LGSN: variants seen among roughly 807,000 people sequenced by gnomAD.
LGSN encodes the protein lengsin, lens protein with glutamine synthetase domain.
LGSN carries 21 observed loss-of-function variants against 19.5 expected under a neutral mutation model. The ratio of observed to expected loss-of-function variants is 1.07; its 90% CI spans 0.76 to 1.55. The LOEUF (loss-of-function observed/expected upper bound fraction) is 1.55. Among genes scored for constraint, LGSN ranks in the 40% most tolerant of loss-of-function variants. The pLI is 0.00. For synonymous variants in LGSN, 257 were observed against 215.6 expected, an observed-to-expected ratio of 1.19 and a Z score of -1.68; for missense variants, 673 against 608.5, an observed-to-expected ratio of 1.11 and a Z score of -1.12.
the LGSN span, among the ~76,000 whole-genome samples, chr6:63,377,948 G>A: frequency 4.4e-4 from 61 of 139,894 alleles, no homozygotes; most frequent in African/African-American, 1.5e-3. Context: ...AAAGAAAAAG[G>A]ATGAATAACA....
intron 1 of LGSN, among the ~76,000 whole-genome samples, chr6:63,298,036 A>C (rs1246279032): frequency 1.3e-5 from 2 of 152,178 alleles, no homozygotes; most frequent in Non-Finnish European, 2.9e-5. Flanking sequence ...CTCTGAACAT[A>C]TTCTTGTTCT....
chr6:63,504,014 A>G, the LGSN span, among the ~76,000 whole-genome samples: 18 of 152,220 alleles, frequency 1.2e-4, no homozygotes, highest in African/African-American at 4.3e-4. Context: ...CTCTAAAAGA[A>G]ATGTGATGTT....
chr6:63,570,285 T>C, the LGSN span, among the ~76,000 whole-genome samples: 1 of 152,182 alleles, frequency 6.6e-6, no homozygotes, highest in African/African-American at 2.4e-5. Context: ...GAGCAAAGAT[T>C]GCACCACTGT....
the LGSN span, among the ~76,000 whole-genome samples, chr6:63,393,303 T>C: frequency 6.6e-6 from 1 of 151,716 alleles, no homozygotes. Context: ...CTCCCCAACC[T>C]GTAGGTGAGA....
the LGSN span, among the ~76,000 whole-genome samples, chr6:63,487,191 A>G: frequency 1.3e-5 from 2 of 152,028 alleles, no homozygotes; most frequent in Non-Finnish European, 2.9e-5. Flanking sequence ...ATTGGTCTCG[A>G]ACTCCTGGGC....
At chr6:63,461,728 C>T in the LGSN span, among the ~76,000 whole-genome samples, 1 of 152,144 alleles carries the variant, frequency 6.6e-6, no homozygotes, top group African/African-American at 2.4e-5. Flanking sequence ...TCTTCATACC[C>T]CACGGCCCTG....
chr6:63,512,832 G>T, the LGSN span, among the ~76,000 whole-genome samples: 1 of 152,182 alleles, frequency 6.6e-6, no homozygotes, highest in Non-Finnish European at 1.5e-5. Flanking sequence ...GTTTTGGTAT[G>T]ATGCTTAGAA....
At chr6:63,332,369 G>T in the LGSN span, among the ~76,000 whole-genome samples, 2 of 152,114 alleles carry the variant, frequency 1.3e-5, no homozygotes, top group Non-Finnish European at 2.9e-5. Flanking sequence ...AGGGGGCAAG[G>T]GTCAGGATAG....
At chr6:63,505,581 GAA>G in the LGSN span, among the ~76,000 whole-genome samples, 169 of 79,796 alleles carry the variant, frequency 2.1e-3, 26 homozygotes, top group Middle Eastern at 5.2e-3. Flanking sequence ...AAGAAAGAAA[GAA>G]AGAAAGAAAG....
chr6:63,287,981 C>T lies in LGSN; in HGVS notation c.164-2228G>A, dbSNP rs370924136. Among the ~76,000 whole-genome samples, 8 of 151,754 alleles carry T rather than the reference C, an allele frequency of 5.3e-5. No individual in the cohort carries two copies. In the South Asian group the frequency reaches 6.2e-4, roughly 12 times the overall value. ...CTGTAATCTCATCACTTTGGGAGGC[C>T]GAGGCAGGTGGATCACGAGGTCAGG... On this transcript the variant is annotated intron_variant, in intron 2 of 3. Transcript: ENST00000370657.
chr6:63,312,188 T>A (rs1441222953), intron 1 of LGSN, among the ~76,000 whole-genome samples: 1 of 152,208 alleles, frequency 6.6e-6, no homozygotes, highest in Non-Finnish European at 1.5e-5. Context: ...TTTTTCTTTA[T>A]CCATTCATCT....
At chr6:63,390,928 A>C in the LGSN span, among the ~76,000 whole-genome samples, 1 of 151,926 alleles carries the variant, frequency 6.6e-6, no homozygotes, top group East Asian at 1.9e-4. Context: ...TAACTTTCTT[A>C]TCTCTCTCCA....
chr6:63,285,637 C>G lies in LGSN; in HGVS notation c.280G>C (p.Asp94His). Residue 94 changes from aspartate (D) to histidine (H), a missense_variant, in exon 3 of 4, where the codon GAC becomes CAC. Transcript: ENST00000370657. Reference protein sequence around the residue: ...RLQFVRFEATDLHGVSRSKTI... With the variant: ...RLQFVRFEATHLHGVSRSKTI... Reference sequence around the variant, plus strand: ...TTAGACCTGGACACGCCGTGGAGGTCTGTTGCTTCAAATCGTACAAACTGG... The same window carrying G: ...TTAGACCTGGACACGCCGTGGAGGTGTGTTGCTTCAAATCGTACAAACTGG... The G allele has an allele frequency of 6.2e-7, 1 of 1,614,048 alleles. No individual in the cohort carries two copies. The highest frequency in any genetic ancestry group is 8.5e-7 in the Non-Finnish European group (1 of 1,179,996).
chr6:63,413,859 A>G, the LGSN span, among the ~76,000 whole-genome samples: 2 of 152,296 alleles, frequency 1.3e-5, no homozygotes, highest in African/African-American at 4.8e-5. Context: ...GTTAGTAATT[A>G]TTGTTAGAAT....
chr6:63,357,518 G>C, the LGSN span, among the ~76,000 whole-genome samples: 3 of 152,020 alleles, frequency 2.0e-5, no homozygotes, highest in African/African-American at 4.8e-5. Flanking sequence ...TTTAATGATC[G>C]CCATTCTAAC....
At chr6:63,473,690 A>G in the LGSN span, among the ~76,000 whole-genome samples, 1 of 149,760 alleles carries the variant, frequency 6.7e-6, no homozygotes, top group South Asian at 2.1e-4. Context: ...TATACTTGAG[A>G]GAAGACTCTT....
chr6:63,428,840 T>C, the LGSN span, among the ~76,000 whole-genome samples: 5 of 152,188 alleles, frequency 3.3e-5, no homozygotes, highest in Admixed American at 6.5e-5. Context: ...TCAGCTCTCA[T>C]AAGATGAAAT....
At chr6:63,480,939 T>TGA in the LGSN span, among the ~76,000 whole-genome samples, 5,165 of 19,756 alleles carry the variant, frequency 0.26, 508 homozygotes, top group Admixed American at 0.38. Context: ...ATAAAGAAAA[T>TGA]GATATATATA....
chr6:63,443,062 C>T, the LGSN span, among the ~76,000 whole-genome samples: 1 of 152,334 alleles, frequency 6.6e-6, no homozygotes, highest in Admixed American at 6.5e-5. Flanking sequence ...TCAGGCATGG[C>T]AGGCTGCAGG....
Sources: gnomAD v4.1 joint callset for allele counts (sites outside exome capture counted in the v4.1 genomes callset) on GRCh38, gnomAD v4.1.1 for gene constraint, MANE v1.5 for transcripts, NCBI Gene and HGNC (gene_info 2026-07-23, HGNC 2026-07-21) for gene names.